Variants in SYCE2 observed in about 807,000 individuals in gnomAD.
The protein encoded by SYCE2 is synaptonemal complex central element protein 2.
In SYCE2, 3 loss-of-function variants were observed where a neutral mutation model predicts 27.9. The ratio of observed to expected loss-of-function variants is 0.11; its 90% confidence interval spans 0.05 to 0.28. The LOEUF (loss-of-function observed/expected upper bound fraction) is 0.28, where lower values mean the gene tolerates loss of function less well. Among genes scored for constraint, SYCE2 ranks in the 10% least tolerant of loss-of-function variants. SYCE2 has a pLI of 1.00. For synonymous variants in SYCE2, 85 were observed against 100.7 expected, an observed-to-expected ratio of 0.84 and a Z score of 0.93; for missense variants, 207 against 263.5, an observed-to-expected ratio of 0.79 and a Z score of 1.48.
chr19:12,901,769 C>T (rs1970844512), intron 3 of SYCE2, among the ~76,000 whole-genome samples: 1 of 151,944 alleles, frequency 6.6e-6, no homozygotes, highest in Non-Finnish European at 1.5e-5. Context: ...GCGAGCGCCA[C>T]CACACCCAGC....
At chr19:12,918,116 A>AG (rs1235991912) in intron 2 of SYCE2, 106 bp downstream of exon 2, 7 of 917,900 alleles carry the variant, frequency 7.6e-6, no homozygotes, top group Non-Finnish European at 1.2e-5. Context: ...CTGTGTTAGG[A>AG]GGGAAAAAAA....
chr19:12,908,417 C>T (rs978681784), intron 2 of SYCE2, among the ~76,000 whole-genome samples: 7 of 151,774 alleles, frequency 4.6e-5, no homozygotes, highest in East Asian at 1.9e-4. Context: ...CTCTGCCTCC[C>T]GGGTTCACGC....
intron 2 of SYCE2, among the ~76,000 whole-genome samples, chr19:12,916,419 C>T (rs1226944148): frequency 2.0e-5 from 3 of 151,978 alleles, no homozygotes; most frequent in African/African-American, 4.8e-5. Context: ...TTATTCCTAC[C>T]TGAGGGACTT....
chr19:12,903,184 C>T lies in SYCE2; in HGVS notation c.306+1308G>A, dbSNP rs369068396. Among the ~76,000 whole-genome samples, 55 of 151,850 alleles carry T rather than the reference C, an allele frequency of 3.6e-4. No homozygotes were observed. The East Asian group carries it at 6.2e-3, about 17-fold the overall frequency. On this transcript the variant is annotated intron_variant, in intron 3 of 5. Transcript: ENST00000293695. ...TCTGCTCACTGCAAGCTCCGCCTCC[C>T]GGGTTCAGGCCATTCTCCTGCCTCA...
chr19:12,908,485 C>A (rs1004843482), intron 2 of SYCE2, among the ~76,000 whole-genome samples: 1 of 151,784 alleles, frequency 6.6e-6, no homozygotes, highest in African/African-American at 2.4e-5. Context: ...CCACCACGCC[C>A]GGCTAATTTT....
intron 3 of SYCE2, among the ~76,000 whole-genome samples, chr19:12,902,857 C>T (rs1272656935): frequency 6.6e-6 from 1 of 151,784 alleles, no homozygotes; most frequent in Non-Finnish European, 1.5e-5. Flanking sequence ...CATCAAGACA[C>T]CTAGAACCAG....
chr19:12,911,799 G>A (rs1971051094), intron 2 of SYCE2, among the ~76,000 whole-genome samples: 1 of 151,910 alleles, frequency 6.6e-6, no homozygotes, highest in Non-Finnish European at 1.5e-5. Flanking sequence ...TGTATTTTTA[G>A]TAGAGATAGG....
intron 3 of SYCE2, among the ~76,000 whole-genome samples, chr19:12,902,165 G>A (rs1247988789): frequency 2.6e-5 from 4 of 152,064 alleles, no homozygotes; most frequent in African/African-American, 4.8e-5. Context: ...GCTCTTCCAC[G>A]TAGCCTAGGT....
intron 2 of SYCE2, 58 bp downstream of exon 2, chr19:12,918,164 G>T: frequency 7.1e-7 from 1 of 1,415,312 alleles, no homozygotes. Flanking sequence ...GGAAGAAAAG[G>T]GTGAATGAGA....
At chr19:12,919,184 C>A in intron 1 of SYCE2, 59 bp downstream of exon 1, 1 of 1,601,936 alleles carries the variant, frequency 6.2e-7, no homozygotes, top group South Asian at 1.1e-5. Flanking sequence ...GGATCGCAGC[C>A]GTTCCCTGCC....
chr19:12,917,486 C>G (rs771799175), intron 2 of SYCE2, among the ~76,000 whole-genome samples: 79 of 152,128 alleles, frequency 5.2e-4, no homozygotes, highest in Non-Finnish European at 9.8e-4. Context: ...CCTTAGCCTC[C>G]CGAGTAGCTG....
Position 12,900,080 on chromosome 19 carries a change from C to T in SYCE2, c.536G>A (p.Gly179Glu), listed in dbSNP as rs1424228656. ...GTTGCCGGGACGTGGTGGGGACTTT[C>T]CCCTAGAGTGGTCTGGCCCCCATCT... Reference protein sequence around the residue: ...RLRWGPDHSRGKSPPRPGNSQ... With the variant: ...RLRWGPDHSREKSPPRPGNSQ... The change falls in exon 5 of 6, where the codon GGA becomes GAA. Residue 179 changes from glycine (G) to glutamate (E), a missense_variant. Gly to Glu is a moderately conservative substitution (Grantham distance 98, BLOSUM62 -2). Transcript: ENST00000293695. 1.2e-6 allele frequency: 2 copies of T among 1,613,488 alleles called. No individual in the cohort carries two copies. Among genetic ancestry groups the T allele is most frequent in the Non-Finnish European group, 1.7e-6 (2 of 1,179,898 alleles).
At position 12,912,314 on chromosome 19, in the gene SYCE2, T is replaced by C. The variant is rs550588400; in HGVS notation, c.131+5908A>G. On this transcript the variant is annotated intron_variant, in intron 2 of 5. Transcript: ENST00000293695. Reference sequence around the variant, plus strand: ...CAATTTCCCCAAACATGTCAGCCTTTGCCTGGAATGACTTTCCCTTCCTGC... The same window carrying C: ...CAATTTCCCCAAACATGTCAGCCTTCGCCTGGAATGACTTTCCCTTCCTGC... Among the ~76,000 whole-genome samples, 199 of 151,916 alleles carry C rather than the reference T, an allele frequency of 1.3e-3. 4 individuals carry two copies. Among genetic ancestry groups the C allele is most frequent in the Middle Eastern group, 3.4e-3 (1 of 294 alleles).
chr19:12,915,532 G>C (rs1971121361), intron 2 of SYCE2, among the ~76,000 whole-genome samples: 2 of 151,334 alleles, frequency 1.3e-5, no homozygotes, highest in South Asian at 4.2e-4. Flanking sequence ...AATCTGGGAG[G>C]GGGAGGTTGC....
chr19:12,900,745 A>T (rs1007248052), intron 3 of SYCE2, 97 bp from the exon 4 acceptor site: 1 of 1,226,376 alleles, frequency 8.2e-7, no homozygotes, highest in East Asian at 2.4e-5. Flanking sequence ...AATTTATCTT[A>T]TGAAAATGAC....
At chr19:12,907,485 T>C (rs1274478525) in intron 2 of SYCE2, among the ~76,000 whole-genome samples, 1 of 152,194 alleles carries the variant, frequency 6.6e-6, no homozygotes, top group Non-Finnish European at 1.5e-5. Context: ...AGCAGGTTAC[T>C]GATTACTTAC....
chr19:12,915,716 C>T (rs1971126422), intron 2 of SYCE2, among the ~76,000 whole-genome samples: 1 of 152,064 alleles, frequency 6.6e-6, no homozygotes, highest in South Asian at 2.1e-4. Flanking sequence ...ATAACCTGGC[C>T]CCTTCTGCAG....
chr19:12,919,279 G>A lies in SYCE2; in HGVS notation c.-22C>T, dbSNP rs1052590409. 3 of 1,609,440 alleles carry A rather than the reference G, an allele frequency of 1.9e-6. No homozygotes were observed. Among genetic ancestry groups the A allele is most frequent in the Admixed American group, 1.7e-5 (1 of 60,006 alleles). On this transcript the variant is annotated 5_prime_UTR_variant, in exon 1 of 6. Transcript: ENST00000293695. ...CCATTCCGTATTTTCCCGCCTTCAA[G>A]CTCGCACCCTCTGCGCATGCGCCGA... is the stretch of plus-strand genomic sequence containing the variant.
chr19:12,918,054 G>A (rs1971167828), intron 2 of SYCE2, among the ~76,000 whole-genome samples, 168 bp downstream of exon 2: 1 of 152,078 alleles, frequency 6.6e-6, no homozygotes, highest in Admixed American at 6.6e-5. Context: ...TCTGGGAGGT[G>A]GAGGTTGCAG....
Sources: allele counts gnomAD v4.1 joint callset (sites outside exome capture counted in the v4.1 genomes callset), GRCh38; gene constraint gnomAD v4.1.1; transcripts MANE v1.5; gene names NCBI Gene and HGNC (gene_info 2026-07-23, HGNC 2026-07-21).